Variants in C3orf20 observed in about 807,000 individuals in gnomAD.
The protein encoded by C3orf20 is family with sequence similarity 149 member C.
In C3orf20, 76 loss-of-function variants were observed where a neutral mutation model predicts 88.3. The observed-to-expected ratio is 0.86, with a 90% CI of 0.72 to 1.04. The LOEUF is 1.04. Ranked by LOEUF, C3orf20 falls within the 50% of genes least tolerant of loss-of-function variation. The pLI, the probability that C3orf20 is intolerant of heterozygous loss-of-function variation, is 0.00. For missense variants in C3orf20, 1,056 were observed against 1,123.3 expected, an observed-to-expected ratio of 0.94 and a Z score of 0.86; for synonymous variants, 436 against 437.4, an observed-to-expected ratio of 1.00 and a Z score of 0.04.
At chr3:14,681,466 T>G (rs2124880441) in intron 1 of C3orf20, among the ~76,000 whole-genome samples, 1 of 152,334 alleles carries the variant, frequency 6.6e-6, no homozygotes, top group African/African-American at 2.4e-5. Context: ...CCAGCAGCCC[T>G]TCCTGGTAAG....
chr3:14,698,689 C>T (rs2033117140), intron 5 of C3orf20, among the ~76,000 whole-genome samples: 2 of 152,106 alleles, frequency 1.3e-5, no homozygotes, highest in Admixed American at 6.5e-5. Context: ...ACCCCTGTGG[C>T]CACCACCACT....
chr3:14,762,683 T>C (rs2035595692), intron 15 of C3orf20, among the ~76,000 whole-genome samples: 1 of 152,134 alleles, frequency 6.6e-6, no homozygotes, highest in African/African-American at 2.4e-5. Context: ...GTGAAGCAAA[T>C]GATGGGGCAT....
intron 12 of C3orf20, among the ~76,000 whole-genome samples, chr3:14,751,594 C>A (rs2035220290): frequency 6.6e-6 from 1 of 152,182 alleles, no homozygotes; most frequent in African/African-American, 2.4e-5. Flanking sequence ...ATCGTCTTGG[C>A]CCAAAATCTC....
chr3:14,760,546 C>A (rs1440801257), intron 14 of C3orf20, among the ~76,000 whole-genome samples: 1 of 151,688 alleles, frequency 6.6e-6, no homozygotes, highest in Non-Finnish European at 1.5e-5. Context: ...TGAGCATTTC[C>A]CCATGTCCTT....
At position 14,720,123 on chromosome 3, in the gene C3orf20, G is replaced by A. The variant is rs568188563; in HGVS notation, c.1435-1530G>A. On this transcript the variant is annotated intron_variant, in intron 9 of 16. Coordinates refer to ENST00000253697, the MANE Select transcript of C3orf20 (RefSeq NM_032137.5). Reference sequence around the variant, plus strand: ...CAGCTCACTGCAAGCTCTGCCTCCCGGGTTCATGCCATTCTCCTGCCTCAG... The same window carrying A: ...CAGCTCACTGCAAGCTCTGCCTCCCAGGTTCATGCCATTCTCCTGCCTCAG... Among the ~76,000 whole-genome samples, 249 of 152,144 alleles carry A rather than the reference G, an allele frequency of 1.6e-3. 1 individual carries two copies. The highest frequency in any genetic ancestry group is 1.2e-3 in the Non-Finnish European group (84 of 67,996).
intron 8 of C3orf20, among the ~76,000 whole-genome samples, chr3:14,714,419 C>A (rs914372610): frequency 6.6e-6 from 1 of 152,134 alleles, no homozygotes; most frequent in Non-Finnish European, 1.5e-5. Context: ...TACCCCACAG[C>A]ACTAAGATCT....
chr3:14,710,802 G>T (rs1268751228), intron 7 of C3orf20, among the ~76,000 whole-genome samples: 1 of 152,094 alleles, frequency 6.6e-6, no homozygotes, highest in African/African-American at 2.4e-5. Flanking sequence ...AGAAGAATGT[G>T]TGTTCTGCTG....
intron 1 of C3orf20, among the ~76,000 whole-genome samples, chr3:14,678,270 G>C (rs775759165): frequency 1.6e-4 from 25 of 152,228 alleles, no homozygotes; most frequent in Non-Finnish European, 2.6e-4. Flanking sequence ...CACAGTCCTT[G>C]AAGGTGGGGA....
intron 5 of C3orf20, among the ~76,000 whole-genome samples, chr3:14,690,827 T>TGGTGGGAG (rs1450851442): frequency 6.6e-6 from 1 of 152,052 alleles, no homozygotes; most frequent in Admixed American, 6.5e-5. Context: ...TTCCTGAAGG[T>TGGTGGGAG]GGTGGGAGGG....
intron 12 of C3orf20, among the ~76,000 whole-genome samples, chr3:14,730,423 T>G (rs933375524): frequency 6.6e-6 from 1 of 151,914 alleles, no homozygotes; most frequent in African/African-American, 2.4e-5. Context: ...GGTGGGCGCC[T>G]GTGGTCCCAG....
chr3:14,760,473 T>C (rs770203888), intron 14 of C3orf20, among the ~76,000 whole-genome samples: 1 of 152,218 alleles, frequency 6.6e-6, no homozygotes, highest in Non-Finnish European at 1.5e-5. Context: ...TTTTGGTGTC[T>C]GACCTTTGCA....
chr3:14,681,226 A>C (rs2032071362), intron 1 of C3orf20, among the ~76,000 whole-genome samples: 1 of 152,200 alleles, frequency 6.6e-6, no homozygotes. Context: ...TGGGCACACG[A>C]GCTCGTGGCT....
intron 7 of C3orf20, among the ~76,000 whole-genome samples, chr3:14,712,175 C>CGT (rs1311576456): frequency 4.9e-4 from 9 of 18,436 alleles, no homozygotes; most frequent in Non-Finnish European, 1.0e-3. Flanking sequence ...CACACACACG[C>CGT]GCGCGCGCAC....
At chr3:14,745,023 T>C (rs1014585696) in intron 12 of C3orf20, among the ~76,000 whole-genome samples, 1 of 152,234 alleles carries the variant, frequency 6.6e-6, no homozygotes, top group Non-Finnish European at 1.5e-5. Flanking sequence ...GTGAGTGCTG[T>C]GAAAATGTAG....
intron 14 of C3orf20, among the ~76,000 whole-genome samples, chr3:14,760,702 C>T (rs1215301099): frequency 6.7e-6 from 1 of 149,762 alleles, no homozygotes; most frequent in Non-Finnish European, 1.5e-5. Context: ...CTCTGCCTCC[C>T]GGATTCAAGT....
chr3:14,735,712 G>C (rs1193800411), intron 12 of C3orf20, among the ~76,000 whole-genome samples: 1 of 151,754 alleles, frequency 6.6e-6, no homozygotes, highest in Non-Finnish European at 1.5e-5. Flanking sequence ...TCCTGCTTCA[G>C]CCTCCCAAGT....
At chr3:14,720,644 A>G (rs2034124695) in intron 9 of C3orf20, among the ~76,000 whole-genome samples, 1 of 152,164 alleles carries the variant, frequency 6.6e-6, no homozygotes, top group South Asian at 2.1e-4. Flanking sequence ...GGTCAAGGAC[A>G]TTGAAGACTG....
intron 7 of C3orf20, among the ~76,000 whole-genome samples, chr3:14,710,357 G>A (rs1416399084): frequency 6.6e-6 from 1 of 151,736 alleles, no homozygotes; most frequent in African/African-American, 2.4e-5. Context: ...TCTCCACTCT[G>A]ATTCTTTATT....
At position 14,754,154 on chromosome 3, in the gene C3orf20, C is replaced by T. The variant is rs543963164; in HGVS notation, c.1941-3217C>T. On this transcript the variant is annotated intron_variant, in intron 12 of 16. Coordinates refer to ENST00000253697, the MANE Select transcript of C3orf20 (RefSeq NM_032137.5). ...TACCTCCTTCCCCACCCTCTTTCTTCCCAGGCTTTTTAGCCTACTTATCTG... is the reference window on the plus strand; with the variant it reads ...TACCTCCTTCCCCACCCTCTTTCTTTCCAGGCTTTTTAGCCTACTTATCTG... Among the ~76,000 whole-genome samples, 5 of 152,326 alleles carry T rather than the reference C, an allele frequency of 3.3e-5. No individual in the cohort carries two copies. In the South Asian group the frequency reaches 1.0e-3, roughly 32 times the overall value.
Sources: gnomAD v4.1 joint callset for allele counts (sites outside exome capture counted in the v4.1 genomes callset) on GRCh38, gnomAD v4.1.1 for gene constraint, MANE v1.5 for transcripts, NCBI Gene and HGNC (gene_info 2026-07-23, HGNC 2026-07-21) for gene names.